MICU1: variants seen among roughly 807,000 people sequenced by gnomAD.
The protein encoded by MICU1 is calcium uptake protein 1, mitochondrial.
A neutral mutation model predicts 56.8 loss-of-function variants in MICU1; 45 were observed. The ratio of observed to expected loss-of-function variants is 0.79; its 90% confidence interval spans 0.62 to 1.02. MICU1 has a LOEUF of 1.02. Among genes scored for constraint, MICU1 ranks in the 50% least tolerant of loss-of-function variants. The pLI is 0.00. For synonymous variants in MICU1, 186 were observed against 195.1 expected (o/e 0.95, Z 0.39); for missense variants, 504 against 587.1 (o/e 0.86, Z 1.46).
chr10:72,478,483 A>G (rs936920888), intron 6 of MICU1, among the ~76,000 whole-genome samples: 7 of 152,238 alleles, frequency 4.6e-5, no homozygotes, highest in African/African-American at 1.7e-4. Context: ...GCTCTAGAGA[A>G]TAAACCAAAA....
intron 5 of MICU1, among the ~76,000 whole-genome samples, chr10:72,523,123 C>T (rs1367500315): frequency 6.6e-6 from 1 of 152,088 alleles, no homozygotes; most frequent in African/African-American, 2.4e-5. Context: ...TTATCTATTC[C>T]TAATTAGTAA....
At chr10:72,460,302 T>C (rs1454790023) in intron 8 of MICU1, among the ~76,000 whole-genome samples, 1 of 152,214 alleles carries the variant, frequency 6.6e-6, no homozygotes, top group Non-Finnish European at 1.5e-5. Flanking sequence ...AAAAGATAGC[T>C]TGTAACCTAG....
intron 8 of MICU1, among the ~76,000 whole-genome samples, chr10:72,451,529 A>G (rs1456055411): frequency 6.6e-6 from 1 of 152,170 alleles, no homozygotes; most frequent in East Asian, 1.9e-4. Context: ...GATGTAACAC[A>G]GAAGATGAAG....
chr10:72,549,114 C>T (rs935576574), intron 4 of MICU1, among the ~76,000 whole-genome samples: 4 of 151,248 alleles, frequency 2.6e-5, no homozygotes, highest in African/African-American at 9.7e-5. Flanking sequence ...ATATTACGAA[C>T]TTTCTGGTTA....
chr10:72,464,626 A>G (rs1865735845), intron 8 of MICU1, among the ~76,000 whole-genome samples: 1 of 152,196 alleles, frequency 6.6e-6, no homozygotes, highest in African/African-American at 2.4e-5. Flanking sequence ...TATACCATCC[A>G]GGTTTGTGTA....
chr10:72,448,153 G>A (rs10823924), intron 8 of MICU1, among the ~76,000 whole-genome samples: 118 of 93,362 alleles, frequency 1.3e-3, no homozygotes, highest in Non-Finnish European at 1.9e-3. Context: ...GTGTGTGTCT[G>A]TGTGTGTGTA....
At chr10:72,567,891 T>C (rs903780105) in intron 1 of MICU1, among the ~76,000 whole-genome samples, 1 of 152,106 alleles carries the variant, frequency 6.6e-6, no homozygotes, top group Non-Finnish European at 1.5e-5. Context: ...ACTTCCAGTA[T>C]CACAAACGGG....
chr10:72,377,088 A>G (rs1231586559), intron 10 of MICU1, among the ~76,000 whole-genome samples: 2 of 150,634 alleles, frequency 1.3e-5, no homozygotes, highest in Non-Finnish European at 2.9e-5. Context: ...TGGTATATGC[A>G]CTGGCCCTTG....
chr10:72,410,029 T>A (rs904647287), intron 9 of MICU1, among the ~76,000 whole-genome samples: 214 of 152,344 alleles, frequency 1.4e-3, no homozygotes, highest in Non-Finnish European at 1.6e-3. Flanking sequence ...TTGCTTTTTT[T>A]AAAAATAGCA....
At chr10:72,567,676 G>C (rs1021283863) in intron 1 of MICU1, among the ~76,000 whole-genome samples, 1 of 152,162 alleles carries the variant, frequency 6.6e-6, no homozygotes, top group African/African-American at 2.4e-5. Flanking sequence ...GCCACCCATG[G>C]GGAGGCAGTT....
intron 5 of MICU1, among the ~76,000 whole-genome samples, chr10:72,527,034 G>C (rs1867984055): frequency 6.6e-6 from 1 of 151,766 alleles, no homozygotes; most frequent in South Asian, 2.1e-4. Flanking sequence ...TTGATATTCT[G>C]ATTTTTAAAT....
intron 5 of MICU1, among the ~76,000 whole-genome samples, chr10:72,513,871 T>C (rs1490928795): frequency 2.6e-5 from 4 of 152,212 alleles, no homozygotes; most frequent in African/African-American, 9.6e-5. Context: ...GGTTTATTTC[T>C]GAACTCTCAA....
chr10:72,540,055 G>A (rs1839731987), intron 4 of MICU1, among the ~76,000 whole-genome samples: 1 of 151,960 alleles, frequency 6.6e-6, no homozygotes, highest in African/African-American at 2.4e-5. Flanking sequence ...ATCACCTGAG[G>A]TCAGGAGTTC....
chr10:72,501,412 G>A (rs555508526), intron 6 of MICU1, among the ~76,000 whole-genome samples: 31 of 150,614 alleles, frequency 2.1e-4, no homozygotes, highest in African/African-American at 7.6e-4. Context: ...CAGCAAAGTA[G>A]AGTCTTAAGT....
At chr10:72,561,725 C>T (rs1243701134) in intron 3 of MICU1, among the ~76,000 whole-genome samples, 1 of 152,140 alleles carries the variant, frequency 6.6e-6, no homozygotes, top group Non-Finnish European at 1.5e-5. Flanking sequence ...GCAGGAGAAT[C>T]GCTTGAACCC....
At chr10:72,442,180 G>A (rs59612669) in intron 8 of MICU1, among the ~76,000 whole-genome samples, 80,645 of 151,634 alleles carry the variant, frequency 0.53, 23,176 homozygotes, top group Non-Finnish European at 0.67. Flanking sequence ...TTTTTGAGAC[G>A]GAGTCTCACT....
At chr10:72,486,951 A>G (rs1866493956) in intron 6 of MICU1, among the ~76,000 whole-genome samples, 1 of 152,248 alleles carries the variant, frequency 6.6e-6, no homozygotes, top group South Asian at 2.1e-4. Context: ...GTAAGACATC[A>G]GTTAGAAAAA....
chr10:72,543,501 C>T (rs950060764), intron 4 of MICU1, among the ~76,000 whole-genome samples: 1 of 100,900 alleles, frequency 9.9e-6, no homozygotes, highest in African/African-American at 3.3e-5. Flanking sequence ...TAGCGAGACC[C>T]CATCTCAATC....
intron 8 of MICU1, among the ~76,000 whole-genome samples, 197 bp from the exon 9 acceptor site, chr10:72,423,568 A>C (rs747801832): frequency 5.3e-5 from 8 of 152,174 alleles, no homozygotes; most frequent in Non-Finnish European, 8.8e-5. Flanking sequence ...GCCACTTACT[A>C]TTGTCAGAGA....
Sources: allele counts gnomAD v4.1 joint callset (sites outside exome capture counted in the v4.1 genomes callset), GRCh38; gene constraint gnomAD v4.1.1; transcripts MANE v1.5; gene names NCBI Gene and HGNC (gene_info 2026-07-23, HGNC 2026-07-21).